ELFN1: variants seen among roughly 807,000 people sequenced by gnomAD.
ELFN1 encodes the protein protein ELFN1.
Under a neutral mutation model 7.6 loss-of-function variants are expected in ELFN1, and 6 were observed. That is an observed-to-expected ratio of 0.79 (90% CI 0.43 to 1.56). The LOEUF (loss-of-function observed/expected upper bound fraction) is 1.56, where lower values mean the gene tolerates loss of function less well. Ranked by LOEUF, ELFN1 falls within the 40% of genes most tolerant of loss-of-function variation. The pLI, the probability that ELFN1 is intolerant of heterozygous loss-of-function variation, is 0.01. For missense variants in ELFN1, 1,169 were observed against 1,232.2 expected (o/e 0.95, Z 0.77); for synonymous variants, 657 against 588.1 (o/e 1.12, Z -1.70).
intron 3 of ELFN1, among the ~76,000 whole-genome samples, chr7:1,734,297 A>G (rs1780387299): frequency 6.6e-6 from 1 of 152,118 alleles, no homozygotes; most frequent in Non-Finnish European, 1.5e-5. Context: ...CCCGCACCCC[A>G]CATCCCTGCC....
At chr7:1,678,763 G>T (rs1778919804) in intron 1 of ELFN1, among the ~76,000 whole-genome samples, 1 of 152,178 alleles carries the variant, frequency 6.6e-6, no homozygotes, top group African/African-American at 2.4e-5. Flanking sequence ...TGCCCACGTG[G>T]GTGCCAGAGC....
chr7:1,669,795 G>T (rs536556247), upstream of ELFN1, among the ~76,000 whole-genome samples: 8 of 152,262 alleles, frequency 5.3e-5, no homozygotes, highest in Middle Eastern at 6.8e-3. Flanking sequence ...ACCTGAGAAC[G>T]CCTTGGCTTT....
Position 1,744,520 on chromosome 7 carries a change from C to T in ELFN1, c.-77C>T. 7.1e-7 allele frequency: 1 copy of T among 1,418,178 alleles called. No individual in the cohort carries two copies. The allele number at this position is 1,418,178 out of a possible 1,614,324, so 87.8% of individuals were successfully genotyped here. On this transcript the variant is annotated 5_prime_UTR_variant, in exon 4 of 4. Coordinates refer to ENST00000424383, the MANE Select transcript of ELFN1 (RefSeq NM_001128636.4). Reference sequence around the variant, plus strand: ...ACCTCCCCCTCCCGCCCCTCCATCCCTCTGGGGGCTGGCGCCTGGCCCCCC... The same window carrying T: ...ACCTCCCCCTCCCGCCCCTCCATCCTTCTGGGGGCTGGCGCCTGGCCCCCC...
intron 3 of ELFN1, among the ~76,000 whole-genome samples, chr7:1,710,433 C>A (rs1779625173): frequency 6.6e-6 from 1 of 152,234 alleles, no homozygotes; most frequent in African/African-American, 2.4e-5. Context: ...ATTTCCCAGG[C>A]TCTATCCTGC....
chr7:1,711,071 C>A (rs1055922260), intron 3 of ELFN1, among the ~76,000 whole-genome samples: 1 of 152,256 alleles, frequency 6.6e-6, no homozygotes. Flanking sequence ...CCCTACCTGG[C>A]CCTATCTGAG....
rs1253091723 is a variant in ELFN1, at chr7:1,740,948, G to A, written c.-293-3356G>A. Reference sequence around the variant, plus strand: ...AGTTCGAAACCAGCCTGACCAATATGGTGAAACCCTGTCTCTACTAAAAGT... The same window carrying A: ...AGTTCGAAACCAGCCTGACCAATATAGTGAAACCCTGTCTCTACTAAAAGT... On this transcript the variant is annotated intron_variant, in intron 3 of 3. Transcript: ENST00000424383. This position sits in a 1 kb window ranked among gnomAD's most constrained non-coding sequence, Gnocchi z 5.0. 6.6e-6 allele frequency among the ~76,000 whole-genome samples: 1 copy of A among 152,190 alleles called. No homozygotes were observed. Among genetic ancestry groups the A allele is most frequent in the East Asian group, 1.9e-4 (1 of 5,156 alleles).
intron 2 of ELFN1, among the ~76,000 whole-genome samples, chr7:1,700,603 G>A (rs1014022602): frequency 6.6e-6 from 1 of 152,202 alleles, no homozygotes; most frequent in Non-Finnish European, 1.5e-5. Flanking sequence ...TTGGGGCTGT[G>A]GTGAGCTCCC....
intron 1 of ELFN1, among the ~76,000 whole-genome samples, chr7:1,674,877 A>T (rs559915639): frequency 6.6e-6 from 1 of 152,146 alleles, no homozygotes; most frequent in East Asian, 1.9e-4. Context: ...CAGCCCAGCC[A>T]TCACCAGGTC....
chr7:1,667,864 G>A (rs192426139), upstream of ELFN1, among the ~76,000 whole-genome samples: 7,248 of 151,490 alleles, frequency 0.048, 232 homozygotes, highest in Non-Finnish European at 0.069. This position sits in a 1 kb window ranked among gnomAD's most constrained non-coding sequence, Gnocchi z 8.2. Context: ...CGGCGTCCGG[G>A]TAACAGCAGG....
chr7:1,731,839 G>T (rs148976950), intron 3 of ELFN1, among the ~76,000 whole-genome samples: 2 of 152,222 alleles, frequency 1.3e-5, no homozygotes, highest in African/African-American at 4.8e-5. Context: ...TAGTAGAGAC[G>T]GGGTTTTGCC....
chr7:1,700,547 A>T (rs572176749), intron 2 of ELFN1, among the ~76,000 whole-genome samples: 1 of 152,144 alleles, frequency 6.6e-6, no homozygotes, highest in African/African-American at 2.4e-5. Flanking sequence ...CATTCTCATC[A>T]CTGAAGCGTG....
chr7:1,741,465 C>G (rs978087023), intron 3 of ELFN1, among the ~76,000 whole-genome samples: 1 of 152,176 alleles, frequency 6.6e-6, no homozygotes, highest in Non-Finnish European at 1.5e-5. Context: ...CACACAGGCT[C>G]CCCAGCCTGA....
At chr7:1,702,709 G>T (rs1342048188) in intron 2 of ELFN1, among the ~76,000 whole-genome samples, 1 of 151,088 alleles carries the variant, frequency 6.6e-6, no homozygotes, top group East Asian at 1.9e-4. Context: ...ATTAATTTTG[G>T]TAACATATAC....
intron 3 of ELFN1, among the ~76,000 whole-genome samples, chr7:1,723,716 T>C (rs1300501145): frequency 2.0e-5 from 3 of 152,176 alleles, no homozygotes; most frequent in African/African-American, 7.2e-5. Context: ...TGTTGCCTAG[T>C]TGTTTTCCAG....
intron 2 of ELFN1, among the ~76,000 whole-genome samples, chr7:1,706,274 T>C (rs962246108): frequency 1.3e-5 from 2 of 152,060 alleles, no homozygotes; most frequent in Non-Finnish European, 2.9e-5. Flanking sequence ...AATACAAAAA[T>C]TAGCCAGGCA....
intron 3 of ELFN1, among the ~76,000 whole-genome samples, chr7:1,725,893 TACAC>T (rs1052790406): frequency 6.6e-6 from 1 of 151,198 alleles, no homozygotes; most frequent in Non-Finnish European, 1.5e-5. Context: ...CACACACAAA[TACAC>T]ACTCACACAA....
intron 1 of ELFN1, among the ~76,000 whole-genome samples, chr7:1,672,564 A>G (rs1778787400): frequency 6.6e-6 from 1 of 152,190 alleles, no homozygotes; most frequent in Non-Finnish European, 1.5e-5. Flanking sequence ...GCCTGAGATC[A>G]ATGGGGTAAA....
rs980257256 is a variant in ELFN1 at position 1,705,135 on chromosome 7, C to A, written c.-455-3956C>A. 4.6e-5 allele frequency among the ~76,000 whole-genome samples: 7 copies of A among 152,094 alleles called. No homozygotes were observed. The highest frequency in any genetic ancestry group is 7.4e-5 in the Non-Finnish European group (5 of 68,006). On this transcript the variant is annotated intron_variant, in intron 2 of 3. Coordinates refer to ENST00000424383, the MANE Select transcript of ELFN1 (RefSeq NM_001128636.4). This position sits in a 1 kb window ranked among gnomAD's most constrained non-coding sequence, Gnocchi z 4.3. ...GGGCAGAGCCCGCAGGAGGTAACAGCCTGAGGGCTGCAGGTCACACCCACA... is the reference window on the plus strand; with the variant it reads ...GGGCAGAGCCCGCAGGAGGTAACAGACTGAGGGCTGCAGGTCACACCCACA...
chr7:1,746,843 C>T lies in ELFN1; in HGVS notation c.2247C>T (p.Ala749=), dbSNP rs1296680083. Residue 749 remains alanine, a synonymous_variant, in exon 4 of 4, where the codon GCC becomes GCT. Transcript: ENST00000424383. The part of the protein sequence containing the change: ...PLTRPRPRDL[A]YSQLSPQYHS... ...CCCGGCCGCGGCCCCGCGACCTCGC[C>T]TACTCGCAGCTGTCCCCGCAGTACC... The T allele has an allele frequency of 2.0e-5, 30 of 1,537,496 alleles. No individual in the cohort carries two copies. Among genetic ancestry groups the T allele is most frequent in the Non-Finnish European group, 2.1e-5 (24 of 1,141,150 alleles).
Sources: allele counts gnomAD v4.1 joint callset (sites outside exome capture counted in the v4.1 genomes callset), GRCh38; gene constraint gnomAD v4.1.1; non-coding constraint Gnocchi (gnomAD v3.1); transcripts MANE v1.5; gene names NCBI Gene and HGNC (gene_info 2026-07-23, HGNC 2026-07-21).